The following MCTP1 variants were observed in gnomAD, a reference collection of about 807,000 sequenced individuals.
The protein encoded by MCTP1 is multiple C2 and transmembrane domain-containing protein 1.
Under a neutral mutation model 120.6 loss-of-function variants are expected in MCTP1, and 69 were observed. That is an observed-to-expected ratio of 0.57 (90% CI 0.47 to 0.70). The LOEUF is 0.70. Ranked by LOEUF, MCTP1 falls within the 30% of genes least tolerant of loss-of-function variation. MCTP1 has a pLI of 0.00. For missense variants in MCTP1, 1,203 were observed against 1,248.8 expected (o/e 0.96, Z 0.55); for synonymous variants, 529 against 493.1 (o/e 1.07, Z -0.96).
In MCTP1 at chr5:95,176,461, G is replaced by A. The variant is rs1582448528; in HGVS notation, c.720+107395C>T. On this transcript the variant is annotated intron_variant, in intron 1 of 22. Coordinates refer to ENST00000515393, the MANE Select transcript of MCTP1 (RefSeq NM_024717.7). ...AATCGCTTGAATCCAGGAGGCAGAGGTTGGAGTGAGCTGAGATTGTACTAC... is the reference window on the plus strand; with the variant it reads ...AATCGCTTGAATCCAGGAGGCAGAGATTGGAGTGAGCTGAGATTGTACTAC... Among the ~76,000 whole-genome samples the A allele has an allele frequency of 1.3e-5, 2 of 152,276 alleles. 1 individual carries two copies. The highest frequency in any genetic ancestry group is 3.9e-4 in the East Asian group (2 of 5,162).
intron 17 of MCTP1, among the ~76,000 whole-genome samples, chr5:94,845,557 G>A (rs1050453906): frequency 9.2e-5 from 14 of 151,836 alleles, no homozygotes; most frequent in African/African-American, 3.1e-4. Flanking sequence ...TTGTTTGTTT[G>A]TTTTTGAGAC....
chr5:94,932,015 C>A (rs1561879213), intron 5 of MCTP1, 24 bp from the exon 6 acceptor site: 4 of 1,546,252 alleles, frequency 2.6e-6, no homozygotes, highest in South Asian at 1.1e-5. Context: ...AAAGCATTTT[C>A]ATTATCTTTT....
Position 94,953,259 on chromosome 5 carries a change from C to T in MCTP1, c.941G>A (p.Cys314Tyr), listed in dbSNP as rs1248154441. 6.2e-7 allele frequency: 1 copy of T among 1,612,812 alleles called. No homozygotes were observed. Among genetic ancestry groups the T allele is most frequent in the South Asian group, 1.1e-5 (1 of 90,820 alleles). ...NLNPVWEEKA[C>Y]ILVDHLREPL... is the part of the protein sequence containing the mutation. ...CTCCCTAAGATGATCAACCAGAATA[C>T]AAGCTTTTTCTTCCCACACAGGGTT... Residue 314 changes from cysteine (C) to tyrosine (Y), a missense_variant, in exon 3 of 23, where the codon TGT becomes TAT. Cys to Tyr is a radical substitution (Grantham distance 194, BLOSUM62 -2). Around this residue, in one of 2 missense-constraint regions of MCTP1, gnomAD observed 740 missense variants for 871.1 expected, o/e 0.85. Coordinates refer to ENST00000515393, the MANE Select transcript of MCTP1 (RefSeq NM_024717.7).
At chr5:95,225,886 G>C (rs762787047) in intron 1 of MCTP1, among the ~76,000 whole-genome samples, 10 of 152,070 alleles carry the variant, frequency 6.6e-5, no homozygotes, top group Non-Finnish European at 1.2e-4. Context: ...TTAAAATGAG[G>C]GGAGAGAGAT....
intron 1 of MCTP1, among the ~76,000 whole-genome samples, chr5:95,279,359 C>T (rs187489371): frequency 1.4e-4 from 21 of 152,248 alleles, no homozygotes; most frequent in Admixed American, 7.8e-4. Context: ...TACATACTTG[C>T]TAAAAATAAT....
chr5:94,937,894 G>T (rs976431498), intron 5 of MCTP1, among the ~76,000 whole-genome samples: 1 of 151,998 alleles, frequency 6.6e-6, no homozygotes, highest in African/African-American at 2.4e-5. Context: ...TAGATGGTCT[G>T]GGAATACACA....
chr5:94,810,726 T>C (rs1783232351), intron 17 of MCTP1, among the ~76,000 whole-genome samples: 1 of 152,152 alleles, frequency 6.6e-6, no homozygotes, highest in Non-Finnish European at 1.5e-5. Flanking sequence ...TTGGTAGCAT[T>C]CTGACTTTTT....
At chr5:95,086,042 T>A (rs1320773056) in intron 1 of MCTP1, among the ~76,000 whole-genome samples, 1 of 152,134 alleles carries the variant, frequency 6.6e-6, no homozygotes, top group African/African-American at 2.4e-5. Flanking sequence ...TTTGCTGTTT[T>A]TTATTTAATT....
At chr5:94,884,783 A>AT in intron 12 of MCTP1, among the ~76,000 whole-genome samples, 1 of 152,186 alleles carries the variant, frequency 6.6e-6, no homozygotes, top group Non-Finnish European at 1.5e-5. Flanking sequence ...ATTTCTTAAG[A>AT]TAATAAGACT....
intron 1 of MCTP1, among the ~76,000 whole-genome samples, chr5:95,165,433 A>T (rs1746212460): frequency 6.6e-6 from 1 of 152,136 alleles, no homozygotes; most frequent in Non-Finnish European, 1.5e-5. Context: ...TTTGTGTGGA[A>T]TTTTTTTCAT....
At chr5:94,809,514 A>C (rs1783014113) in intron 17 of MCTP1, among the ~76,000 whole-genome samples, 1 of 152,160 alleles carries the variant, frequency 6.6e-6, no homozygotes, top group Non-Finnish European at 1.5e-5. Flanking sequence ...TTGATTCTCC[A>C]AGGTCCCTTT....
rs114877948 is a variant in MCTP1, at chr5:95,067,977, C to T, written c.721-50493G>A. On this transcript the variant is annotated intron_variant, in intron 1 of 22. Transcript: ENST00000515393. ...GCACCCTCCTCTCAGTCTCTGGTAA[C>T]CACTTTTCCACTCTCTGTCAAACAA... Among the ~76,000 whole-genome samples, 1,019 of 152,282 alleles carry T rather than the reference C, an allele frequency of 6.7e-3. 16 individuals are homozygous for T. The highest frequency in any genetic ancestry group is 0.024 in the African/African-American group (984 of 41,560).
intron 17 of MCTP1, among the ~76,000 whole-genome samples, chr5:94,862,354 T>C (rs912469824): frequency 2.0e-5 from 3 of 151,664 alleles, no homozygotes; most frequent in South Asian, 2.1e-4. Context: ...ATTATCTCCC[T>C]CCAAAGAGCA....
intron 1 of MCTP1, among the ~76,000 whole-genome samples, chr5:95,182,266 T>C (rs899732415): frequency 6.6e-6 from 1 of 152,078 alleles, no homozygotes; most frequent in Admixed American, 6.6e-5. Context: ...AGATACATCA[T>C]GATATTGAAG....
At chr5:95,139,596 T>C (rs758181709) in intron 1 of MCTP1, among the ~76,000 whole-genome samples, 3 of 152,228 alleles carry the variant, frequency 2.0e-5, no homozygotes, top group Non-Finnish European at 4.4e-5. Context: ...AAGTTAATTT[T>C]AAAAAGATAA....
rs546435965 is a variant in MCTP1, at chr5:95,284,986, C to T, written c.-411G>A. On this transcript the variant is annotated 5_prime_UTR_variant, in exon 1 of 23. Transcript: ENST00000515393. This position sits in a 1 kb window ranked among gnomAD's most constrained non-coding sequence, Gnocchi z 5.2. Reference sequence around the variant, plus strand: ...CTGCACGCACCGGGGCGTGCGCGTCCAGCTGCGCCAGGGACCGCACCCGGC... The same window carrying T: ...CTGCACGCACCGGGGCGTGCGCGTCTAGCTGCGCCAGGGACCGCACCCGGC... Among the ~76,000 whole-genome samples, 1 of 152,322 alleles carries T rather than the reference C, an allele frequency of 6.6e-6. No homozygotes were observed. Among genetic ancestry groups the T allele is most frequent in the African/African-American group, 2.4e-5 (1 of 41,588 alleles).
At position 95,138,673 on chromosome 5, in the gene MCTP1, GC is replaced by G. The variant is rs561598205; in HGVS notation, c.721-121190del. The stretch of plus-strand genomic sequence containing the variant: ...ACCACCACTGACTGCCATGTGAGCC[GC>G]CGTCCCTCCAGCTGCCCTCACTCCA... On this transcript the variant is annotated intron_variant, in intron 1 of 22. Coordinates refer to ENST00000515393, the MANE Select transcript of MCTP1 (RefSeq NM_024717.7). Among the ~76,000 whole-genome samples, 223 of 152,180 alleles carry G rather than the reference GC, an allele frequency of 1.5e-3. 2 individuals are homozygous for G. Among genetic ancestry groups the G allele is most frequent in the African/African-American group, 5.1e-3 (213 of 41,524 alleles).
At chr5:94,753,757 A>T (rs574889010) in intron 19 of MCTP1, among the ~76,000 whole-genome samples, 1 of 152,242 alleles carries the variant, frequency 6.6e-6, no homozygotes, top group Non-Finnish European at 1.5e-5. Flanking sequence ...ACCAATGAAC[A>T]TGCATATGCA....
intron 1 of MCTP1, among the ~76,000 whole-genome samples, chr5:95,037,801 C>T (rs560505733): frequency 7.6e-4 from 115 of 152,104 alleles, no homozygotes; most frequent in African/African-American, 2.5e-3. Context: ...ACCCATGAGG[C>T]GGAGGTTGCA....
Sources: gnomAD v4.1 joint callset for allele counts (sites outside exome capture counted in the v4.1 genomes callset) on GRCh38, gnomAD v4.1.1 for gene constraint, gnomAD v4.1.1 regional missense constraint, Gnocchi (gnomAD v3.1) non-coding constraint, MANE v1.5 for transcripts, NCBI Gene and HGNC (gene_info 2026-07-23, HGNC 2026-07-21) for gene names.